Variants in RAPGEF4 observed in about 807,000 individuals in gnomAD.
The protein encoded by RAPGEF4 is RAP guanine-nucleotide-exchange factor (GEF) 4.
In RAPGEF4, 66 loss-of-function variants were observed where a neutral mutation model predicts 147.9. The ratio of observed to expected loss-of-function variants is 0.45; its 90% CI spans 0.37 to 0.55. The LOEUF is 0.55. RAPGEF4 is among the 20% of genes least tolerant of loss of function. RAPGEF4 has a pLI of 0.00. For missense variants in RAPGEF4, 1,071 were observed against 1,257.3 expected, an observed-to-expected ratio of 0.85 and a Z score of 2.24; for synonymous variants, 419 against 442.7, an observed-to-expected ratio of 0.95 and a Z score of 0.67.
intron 1 of RAPGEF4, among the ~76,000 whole-genome samples, chr2:172,755,364 T>C (rs1402687553): frequency 6.6e-6 from 1 of 152,198 alleles, no homozygotes; most frequent in Non-Finnish European, 1.5e-5. Flanking sequence ...CAAATTGAGC[T>C]AATAACAATA....
At chr2:172,857,651 G>A (rs2149762101) in intron 4 of RAPGEF4, among the ~76,000 whole-genome samples, 1 of 152,280 alleles carries the variant, frequency 6.6e-6, no homozygotes, top group East Asian at 1.9e-4. Flanking sequence ...GGAGGCTGAG[G>A]TGGGAGGATC....
intron 6 of RAPGEF4, among the ~76,000 whole-genome samples, chr2:172,925,288 A>G (rs956787524): frequency 6.6e-6 from 1 of 152,218 alleles, no homozygotes; most frequent in African/African-American, 2.4e-5. Flanking sequence ...CACCATGTTT[A>G]ACTTTTAATA....
At chr2:172,973,068 G>A (rs983091688) in intron 10 of RAPGEF4, among the ~76,000 whole-genome samples, 11 of 148,498 alleles carry the variant, frequency 7.4e-5, no homozygotes, top group East Asian at 1.9e-4. Flanking sequence ...GTTTGTGATC[G>A]TTGGATGTTT....
rs1237797795 is a variant in RAPGEF4, at chr2:173,052,642, C to G, written c.*875C>G. 6.6e-6 allele frequency: 1 copy of G among 152,560 alleles called. No homozygotes were observed. Among genetic ancestry groups the G allele is most frequent in the East Asian group, 1.9e-4 (1 of 5,206 alleles). 9.5% of individuals were successfully genotyped at this position (152,560 alleles called of 1,614,324 possible). ...ATGTTATTACAAATATCTTAATTTT[C>G]AGTAATTGTTTTGCACTTTCAAAGA... On this transcript the variant is annotated 3_prime_UTR_variant, in exon 31 of 31. Coordinates refer to ENST00000397081, the MANE Select transcript of RAPGEF4 (RefSeq NM_007023.4).
At chr2:172,945,608 T>G (rs1315590149) in intron 6 of RAPGEF4, among the ~76,000 whole-genome samples, 1 of 152,180 alleles carries the variant, frequency 6.6e-6, no homozygotes, top group African/African-American at 2.4e-5. Flanking sequence ...TATTTTTAAT[T>G]CAAAGTGTAG....
At chr2:172,975,026 A>G (rs575475936) in intron 10 of RAPGEF4, among the ~76,000 whole-genome samples, 3 of 152,344 alleles carry the variant, frequency 2.0e-5, no homozygotes, top group South Asian at 2.1e-4. Context: ...TTTAATTGCC[A>G]TATGATTAGG....
chr2:172,904,378 G>A (rs945681781), intron 4 of RAPGEF4, among the ~76,000 whole-genome samples: 1 of 152,180 alleles, frequency 6.6e-6, no homozygotes, highest in Non-Finnish European at 1.5e-5. Flanking sequence ...TGTGATGAGA[G>A]GTAAGGATTT....
intron 10 of RAPGEF4, among the ~76,000 whole-genome samples, chr2:172,979,864 A>T (rs1004928014): frequency 6.6e-6 from 1 of 152,158 alleles, no homozygotes; most frequent in Non-Finnish European, 1.5e-5. Context: ...CAAAAAATAC[A>T]AAAATTAGCC....
chr2:172,959,155 A>T (rs1026264880), intron 6 of RAPGEF4, among the ~76,000 whole-genome samples: 1 of 152,232 alleles, frequency 6.6e-6, no homozygotes, highest in African/African-American at 2.4e-5. Context: ...ACACCTTAAT[A>T]ACCTAACAGT....
chr2:173,036,186 T>TC lies in RAPGEF4; in HGVS notation c.2766dup (p.Phe923LeufsTer7). On this transcript the variant is annotated frameshift_variant, in exon 28 of 31. Coordinates refer to ENST00000397081, the MANE Select transcript of RAPGEF4 (RefSeq NM_007023.4). LOFTEE classifies it high-confidence loss of function. ...GTAGCTAAGCTGGAACCTCCTCTCATCCCCTTCATGCCTTTGCTCATTAAA... is the reference window on the plus strand; with the variant it reads ...GTAGCTAAGCTGGAACCTCCTCTCATCCCCCTTCATGCCTTTGCTCATTAAA... 6.2e-7 allele frequency: 1 copy of TC among 1,612,148 alleles called. No individual in the cohort carries two copies. The highest frequency in any genetic ancestry group is 1.1e-5 in the South Asian group (1 of 91,016).
chr2:172,796,221 G>A (rs979479534), intron 2 of RAPGEF4, among the ~76,000 whole-genome samples: 3 of 151,912 alleles, frequency 2.0e-5, no homozygotes, highest in Admixed American at 2.0e-4. Context: ...AAAGCAACAG[G>A]GTGAGTCACA....
At chr2:172,834,928 T>C (rs1690757599) in intron 4 of RAPGEF4, among the ~76,000 whole-genome samples, 1 of 152,250 alleles carries the variant, frequency 6.6e-6, no homozygotes, top group Admixed American at 6.5e-5. Context: ...AATGGCAATG[T>C]CATCCTTATC....
chr2:172,966,688 A>C (rs1689876472), intron 9 of RAPGEF4, among the ~76,000 whole-genome samples: 2 of 152,244 alleles, frequency 1.3e-5, no homozygotes, highest in African/African-American at 4.8e-5. Flanking sequence ...CAGATTTGGA[A>C]GAAAATTACC....
intron 29 of RAPGEF4, among the ~76,000 whole-genome samples, chr2:173,041,558 T>C (rs969126769): frequency 6.6e-6 from 1 of 152,068 alleles, no homozygotes; most frequent in Non-Finnish European, 1.5e-5. Flanking sequence ...AAAATCCACA[T>C]AAGATATAAA....
intron 10 of RAPGEF4, among the ~76,000 whole-genome samples, chr2:172,981,580 T>A (rs1691688692): frequency 6.6e-6 from 1 of 152,168 alleles, no homozygotes; most frequent in African/African-American, 2.4e-5. Context: ...CTGGCTAGCA[T>A]CTCCCGGGTC....
chr2:172,937,483 G>A (rs1686715218), intron 6 of RAPGEF4, among the ~76,000 whole-genome samples: 1 of 152,094 alleles, frequency 6.6e-6, no homozygotes, highest in Admixed American at 6.6e-5. Flanking sequence ...TGGGGCTAGG[G>A]GTTTGGGGAA....
At chr2:172,935,081 G>A (rs1030408979) in intron 6 of RAPGEF4, among the ~76,000 whole-genome samples, 9 of 152,222 alleles carry the variant, frequency 5.9e-5, no homozygotes, top group Non-Finnish European at 1.0e-4. Flanking sequence ...GGGGACTGTG[G>A]TGGTAGGATG....
intron 4 of RAPGEF4, among the ~76,000 whole-genome samples, chr2:172,909,596 A>C (rs1432389006): frequency 6.6e-6 from 1 of 152,100 alleles, no homozygotes; most frequent in Non-Finnish European, 1.5e-5. Flanking sequence ...CCACAGCCGG[A>C]GTGTGGAGGG....
At chr2:172,991,043 T>A in intron 15 of RAPGEF4, 118 bp downstream of exon 15, 1 of 734,686 alleles carries the variant, frequency 1.4e-6, no homozygotes, top group East Asian at 2.7e-5. Flanking sequence ...TATGTGACTT[T>A]TTTCCTCTCT....
Sources: gnomAD v4.1 joint callset for allele counts (sites outside exome capture counted in the v4.1 genomes callset) on GRCh38, gnomAD v4.1.1 for gene constraint, MANE v1.5 for transcripts, NCBI Gene and HGNC (gene_info 2026-07-23, HGNC 2026-07-21) for gene names.